DCAF7: variants seen among roughly 807,000 people sequenced by gnomAD.
DCAF7 encodes DDB1- and CUL4-associated factor 7.
Under a neutral mutation model 41.2 loss-of-function variants are expected in DCAF7, and 4 were observed. That is an observed-to-expected ratio of 0.10 (90% CI 0.05 to 0.22). DCAF7 has a LOEUF of 0.22. Ranked by LOEUF, DCAF7 falls within the 10% of genes least tolerant of loss-of-function variation. The pLI, the probability that DCAF7 is intolerant of heterozygous loss-of-function variation, is 1.00. For missense variants in DCAF7, 131 were observed against 443.2 expected (o/e 0.30, Z 6.32); for synonymous variants, 143 against 164.2 (o/e 0.87, Z 0.99).
At chr17:63,572,499 A>G (rs886998818) in intron 1 of DCAF7, among the ~76,000 whole-genome samples, 6 of 152,218 alleles carry the variant, frequency 3.9e-5, no homozygotes, top group African/African-American at 1.4e-4. Flanking sequence ...TGTTAGGCTA[A>G]GAGGATCCCA....
intron 6 of DCAF7, among the ~76,000 whole-genome samples, chr17:63,588,561 T>G (rs2033702058): frequency 6.6e-6 from 1 of 152,084 alleles, no homozygotes; most frequent in Non-Finnish European, 1.5e-5. Context: ...AACACCTCAC[T>G]GAAGCATAAA....
At position 63,590,443 on chromosome 17, in the gene DCAF7, G is replaced by C. The variant is rs1001617111; in HGVS notation, c.*1271G>C. The C allele has an allele frequency of 6.5e-6, 1 of 152,774 alleles. No homozygotes were observed. The highest frequency in any genetic ancestry group is 1.5e-5 in the Non-Finnish European group (1 of 68,166). The allele number at this position is 152,774 out of a possible 1,614,324, so 9.5% of individuals were successfully genotyped here. On this transcript the variant is annotated 3_prime_UTR_variant, in exon 7 of 7. Coordinates refer to ENST00000614556, the MANE Select transcript of DCAF7 (RefSeq NM_005828.5). ...AAGGAAAAGGAATTATAGACCCCCA[G>C]GGTCAGCCAGTTAAGAGCTCTACCC...
intron 1 of DCAF7, among the ~76,000 whole-genome samples, chr17:63,565,764 T>C (rs997594391): frequency 2.0e-5 from 3 of 152,180 alleles, no homozygotes; most frequent in Admixed American, 6.5e-5. Flanking sequence ...CAGTTATTAA[T>C]GATTATTGTT....
intron 2 of DCAF7, 76 bp from the exon 3 acceptor site, chr17:63,579,261 C>A: frequency 1.0e-6 from 1 of 978,454 alleles, no homozygotes; most frequent in Non-Finnish European, 1.5e-6. Flanking sequence ...AAGATATTTT[C>A]TAAACAGGGA....
chr17:63,556,999 G>T (rs576041275), intron 1 of DCAF7, among the ~76,000 whole-genome samples: 1 of 152,138 alleles, frequency 6.6e-6, no homozygotes, highest in Non-Finnish European at 1.5e-5. Flanking sequence ...CTGAACTCCC[G>T]CTGGGGTGAC....
At chr17:63,573,393 A>G (rs1326650395) in intron 1 of DCAF7, 3 of 152,136 alleles carry the variant, frequency 2.0e-5, no homozygotes. Context: ...GGCTGATACC[A>G]AAAATTCCAC....
chr17:63,567,104 C>A (rs1183833561), intron 1 of DCAF7, among the ~76,000 whole-genome samples: 1 of 151,842 alleles, frequency 6.6e-6, no homozygotes, highest in Non-Finnish European at 1.5e-5. Flanking sequence ...GCACCTAGCA[C>A]CTATTTATGC....
rs751561661 is a variant in DCAF7 at position 63,583,681 on chromosome 17, C to T, written c.708C>T (p.Tyr236=). 3.7e-6 allele frequency: 6 copies of T among 1,613,926 alleles called. No individual in the cohort carries two copies. The South Asian group carries it at 6.6e-5, about 18-fold the overall frequency. Residue 236 remains tyrosine, a synonymous_variant, in exon 5 of 7, where the codon TAC becomes TAT. Transcript: ENST00000614556. Reference sequence around the variant, plus strand: ...GCTGGAACAAGCAGGACCCTAACTACCTGGCCACCATGGCCATGGATGGAA... The same window carrying T: ...GCTGGAACAAGCAGGACCCTAACTATCTGGCCACCATGGCCATGGATGGAA... The part of the protein sequence containing the change: ...RLCWNKQDPN[Y]LATMAMDGME...
intron 1 of DCAF7, among the ~76,000 whole-genome samples, chr17:63,553,358 A>G (rs2147755988): frequency 6.6e-6 from 1 of 152,360 alleles, no homozygotes; most frequent in Non-Finnish European, 1.5e-5. Context: ...AAGGAAACAA[A>G]AAAATTTAGC....
At chr17:63,580,967 A>G (rs915869407) in intron 4 of DCAF7, among the ~76,000 whole-genome samples, 1 of 152,106 alleles carries the variant, frequency 6.6e-6, no homozygotes, top group African/African-American at 2.4e-5. Flanking sequence ...CTGCACAGCT[A>G]GGGGTATTAA....
intron 3 of DCAF7, 37 bp downstream of exon 3, chr17:63,579,485 A>G (rs1389626414): frequency 6.7e-7 from 1 of 1,491,984 alleles, no homozygotes; most frequent in East Asian, 2.4e-5. Flanking sequence ...CAGCTGGAAG[A>G]AGCCAAAATA....
chr17:63,570,212 G>T (rs1002292117), intron 1 of DCAF7, among the ~76,000 whole-genome samples: 8 of 152,086 alleles, frequency 5.3e-5, no homozygotes, highest in Admixed American at 2.0e-4. Flanking sequence ...CCAGCACTTT[G>T]GGAGGCCAAT....
Position 63,566,244 on chromosome 17 carries a change from G to A in DCAF7, c.139-12226G>A, listed in dbSNP as rs367688428. Among the ~76,000 whole-genome samples the A allele has an allele frequency of 3.3e-5, 5 of 151,896 alleles. No homozygotes were observed. In the East Asian group the frequency reaches 5.8e-4, roughly 18 times the overall value. ...AAATTAGCCGGGCGTGGTGGTAGGCGCCTGTAGTCCCAGCTACTCGGGAGG... is the reference window on the plus strand; with the variant it reads ...AAATTAGCCGGGCGTGGTGGTAGGCACCTGTAGTCCCAGCTACTCGGGAGG... On this transcript the variant is annotated intron_variant, in intron 1 of 6. Coordinates refer to ENST00000614556, the MANE Select transcript of DCAF7 (RefSeq NM_005828.5).
chr17:63,559,499 C>G (rs193229760), intron 1 of DCAF7, among the ~76,000 whole-genome samples: 3 of 146,698 alleles, frequency 2.0e-5, no homozygotes, highest in African/African-American at 7.6e-5. Flanking sequence ...AAAATTGGAT[C>G]TCTACCTTAA....
intron 4 of DCAF7, among the ~76,000 whole-genome samples, chr17:63,580,507 C>CTTTTTTTTTTTT: frequency 2.3e-5 from 1 of 43,880 alleles, no homozygotes; most frequent in Non-Finnish European, 4.2e-5. Context: ...TTTGTGATTG[C>CTTTTTTTTTTTT]TTTTTTTTTT....
At chr17:63,576,420 C>A (rs2033562316) in intron 1 of DCAF7, among the ~76,000 whole-genome samples, 1 of 152,068 alleles carries the variant, frequency 6.6e-6, no homozygotes, top group Non-Finnish European at 1.5e-5. Flanking sequence ...GCACTCCAGC[C>A]TGGGTGACAA....
In DCAF7 at chr17:63,561,744, A is replaced by G. The variant is rs1309821638; in HGVS notation, c.138+10929A>G. On this transcript the variant is annotated intron_variant, in intron 1 of 6. Transcript: ENST00000614556. ...CGAAAGAAGAAAATGTGTTATAAGT[A>G]TAGAGAGCTTTGCATTCAACGGAAA... Among the ~76,000 whole-genome samples, 15 of 152,146 alleles carry G rather than the reference A, an allele frequency of 9.9e-5. No homozygotes were observed. In the East Asian group the frequency reaches 2.7e-3, roughly 27 times the overall value.
intron 3 of DCAF7, 27 bp downstream of exon 3, chr17:63,579,475 C>A: frequency 6.5e-7 from 1 of 1,533,176 alleles, no homozygotes; most frequent in Non-Finnish European, 8.9e-7. Flanking sequence ...GTATGTATTT[C>A]AGCTGGAAGA....
chr17:63,559,377 G>GTA (rs10637227), intron 1 of DCAF7, among the ~76,000 whole-genome samples: 26,242 of 113,152 alleles, frequency 0.23, 3,594 homozygotes, highest in African/African-American at 0.36. Flanking sequence ...ATATATATGT[G>GTA]TATATATATG....
Sources: gnomAD v4.1 joint callset for allele counts (sites outside exome capture counted in the v4.1 genomes callset) on GRCh38, gnomAD v4.1.1 for gene constraint, MANE v1.5 for transcripts, NCBI Gene and HGNC (gene_info 2026-07-23, HGNC 2026-07-21) for gene names.